The following DOCK8 variants were observed in gnomAD, a reference collection of about 807,000 sequenced individuals.
The protein encoded by DOCK8 is dedicator of cytokinesis 8, also known as dedicator of cytokinesis protein 8.
Under a neutral mutation model 245.6 loss-of-function variants are expected in DOCK8, and 141 were observed. That is an observed-to-expected ratio of 0.57 (90% confidence interval 0.50 to 0.66). The LOEUF is 0.66. Among genes scored for constraint, DOCK8 ranks in the 30% least tolerant of loss-of-function variants. The pLI, the probability that DOCK8 is intolerant of heterozygous loss-of-function variation, is 0.00. For missense variants in DOCK8, 2,965 were observed against 2,603.4 expected (o/e 1.14, Z -3.02); for synonymous variants, 1,168 against 970.2 (o/e 1.20, Z -3.79).
At chr9:460,539 A>G (rs1483024644) in intron 46 of DOCK8, 1 of 152,270 alleles carries the variant, frequency 6.6e-6, no homozygotes, top group Non-Finnish European at 1.5e-5. Flanking sequence ...CAGGATTCAA[A>G]GGCCATATGC....
intron 1 of DOCK8, among the ~76,000 whole-genome samples, chr9:250,453 A>G (rs13300102): frequency 0.043 from 6,614 of 152,302 alleles, 172 homozygotes; most frequent in Non-Finnish European, 0.065. Flanking sequence ...TCTACTCTAC[A>G]TAAAATATTC....
At chr9:446,015 CT>C (rs2057243335) in intron 43 of DOCK8, among the ~76,000 whole-genome samples, 1 of 152,242 alleles carries the variant, frequency 6.6e-6, no homozygotes. Flanking sequence ...TTCCTCATAA[CT>C]GTGAGGTAGT....
At chr9:307,050 C>T (rs1181738381) in intron 5 of DOCK8, among the ~76,000 whole-genome samples, 1 of 152,116 alleles carries the variant, frequency 6.6e-6, no homozygotes, top group Non-Finnish European at 1.5e-5. Context: ...AGGCTAGAAC[C>T]AGCTGTCACT....
intron 46 of DOCK8, chr9:456,825 T>G (rs926290469): frequency 6.6e-6 from 1 of 152,164 alleles, no homozygotes; most frequent in Non-Finnish European, 1.5e-5. Context: ...TAAATTTTCT[T>G]CTTTATACTT....
chr9:217,883 G>C (rs1428515698), intron 1 of DOCK8, among the ~76,000 whole-genome samples: 4 of 152,188 alleles, frequency 2.6e-5, no homozygotes, highest in South Asian at 2.1e-4. Context: ...CAATGGCAGA[G>C]CTGGGATTGC....
intron 14 of DOCK8, among the ~76,000 whole-genome samples, chr9:362,825 A>C (rs2052792196): frequency 6.6e-6 from 1 of 152,220 alleles, no homozygotes; most frequent in Non-Finnish European, 1.5e-5. Context: ...CCAGATGAAG[A>C]GTAGGATAAA....
At chr9:400,406 TCAC>T (rs1475373535) in intron 26 of DOCK8, among the ~76,000 whole-genome samples, 21 of 10,102 alleles carry the variant, frequency 2.1e-3, no homozygotes, top group East Asian at 0.011. Flanking sequence ...ACCTCCACCA[TCAC>T]CACCACCACC....
intron 2 of DOCK8, among the ~76,000 whole-genome samples, chr9:285,473 C>T (rs2048782978): frequency 6.6e-6 from 1 of 152,126 alleles, no homozygotes; most frequent in South Asian, 2.1e-4. Context: ...CCCCACCACC[C>T]CCAACCTCCC....
chr9:306,683 C>T (rs978211788), intron 5 of DOCK8, among the ~76,000 whole-genome samples: 8 of 152,114 alleles, frequency 5.3e-5, no homozygotes, highest in African/African-American at 1.9e-4. Flanking sequence ...GTTGCTGGGC[C>T]CTGTCTGCTG....
At chr9:400,034 C>CCATCACCAT (rs1308908218) in intron 26 of DOCK8, among the ~76,000 whole-genome samples, 1 of 91,932 alleles carries the variant, frequency 1.1e-5, no homozygotes, top group African/African-American at 5.7e-5. Flanking sequence ...TCCACCATCA[C>CCATCACCAT]CACCACCACC....
intron 29 of DOCK8, 81 bp from the exon 30 acceptor site, chr9:417,987 A>T: frequency 6.3e-7 from 1 of 1,579,870 alleles, no homozygotes; most frequent in Admixed American, 1.7e-5. Context: ...AGTGACTGAG[A>T]AGTATCAGTC....
chr9:409,754 C>G (rs756633535), intron 28 of DOCK8, among the ~76,000 whole-genome samples: 2 of 151,902 alleles, frequency 1.3e-5, no homozygotes, highest in Non-Finnish European at 2.9e-5. Context: ...ATGACAGTCC[C>G]CGGTGTGTGA....
At position 464,467 on chromosome 9, in the gene DOCK8, AGT is replaced by A; in HGVS notation, c.*253_*254del. The A allele has an allele frequency of 1.7e-6, 1 of 578,482 alleles. No individual in the cohort carries two copies. Among genetic ancestry groups the A allele is most frequent in the Non-Finnish European group, 3.1e-6 (1 of 323,788 alleles). The allele number at this position is 578,482 out of a possible 1,614,324, so 35.8% of individuals were successfully genotyped here. On this transcript the variant is annotated 3_prime_UTR_variant, in exon 48 of 48. Coordinates refer to ENST00000432829, the MANE Select transcript of DOCK8 (RefSeq NM_203447.4). ...TCAGGCATGACTGCGTATTTATTAAAGTGTGTTTTTCCACAATGTACCAAACA... is the reference window on the plus strand; with the variant it reads ...TCAGGCATGACTGCGTATTTATTAAAGTGTTTTTCCACAATGTACCAAACA...
intron 20 of DOCK8, among the ~76,000 whole-genome samples, chr9:377,597 C>T (rs919788282): frequency 3.9e-5 from 6 of 152,184 alleles, no homozygotes; most frequent in Non-Finnish European, 7.3e-5. Context: ...GAACTCTCTA[C>T]ATTGAAATGC....
chr9:221,855 T>A (rs1488487960), intron 1 of DOCK8, among the ~76,000 whole-genome samples: 3 of 151,862 alleles, frequency 2.0e-5, no homozygotes, highest in Non-Finnish European at 2.9e-5. Context: ...CAACTCTGCA[T>A]GTAAATCAAT....
intron 44 of DOCK8, 41 bp downstream of exon 44, chr9:446,647 C>T (rs1248903889): frequency 6.3e-7 from 1 of 1,592,206 alleles, no homozygotes; most frequent in African/African-American, 1.3e-5. Flanking sequence ...GATGAGTGGG[C>T]TGGGTGGCCT....
At chr9:222,984 G>T (rs921786975) in intron 1 of DOCK8, among the ~76,000 whole-genome samples, 3 of 152,044 alleles carry the variant, frequency 2.0e-5, no homozygotes. Flanking sequence ...ATAACTCATT[G>T]TATGTGTTTT....
At chr9:402,580 C>T (rs996605021) in intron 26 of DOCK8, among the ~76,000 whole-genome samples, 5 of 152,238 alleles carry the variant, frequency 3.3e-5, no homozygotes, top group African/African-American at 9.6e-5. Context: ...TCTCTAGATA[C>T]AGGATGAACT....
intron 1 of DOCK8, among the ~76,000 whole-genome samples, chr9:224,434 A>T (rs1169113352): frequency 6.6e-6 from 1 of 152,140 alleles, no homozygotes; most frequent in East Asian, 1.9e-4. Flanking sequence ...CAAAAAGAAG[A>T]TGTGATATTT....
Sources: gnomAD v4.1 joint callset for allele counts (sites outside exome capture counted in the v4.1 genomes callset) on GRCh38, gnomAD v4.1.1 for gene constraint, MANE v1.5 for transcripts, NCBI Gene and HGNC (gene_info 2026-07-23, HGNC 2026-07-21) for gene names.